SLC2A13: variants seen among roughly 807,000 people sequenced by gnomAD.
SLC2A13 encodes the protein proton myo-inositol cotransporter.
SLC2A13 carries 32 observed loss-of-function variants against 64.4 expected under a neutral mutation model. That is an observed-to-expected ratio of 0.50 (90% CI 0.37 to 0.67). The LOEUF (loss-of-function observed/expected upper bound fraction) is 0.67, where lower values mean the gene tolerates loss of function less well. Ranked by LOEUF, SLC2A13 falls within the 30% of genes least tolerant of loss-of-function variation. The probability of loss-of-function intolerance (pLI) is 0.00; values close to 1 mark genes in which losing one functional copy is unlikely to be tolerated. For synonymous variants in SLC2A13, 338 were observed against 327.1 expected, an observed-to-expected ratio of 1.03 and a Z score of -0.36; for missense variants, 743 against 829.2, an observed-to-expected ratio of 0.90 and a Z score of 1.28.
intron 7 of SLC2A13, among the ~76,000 whole-genome samples, chr12:39,781,462 T>C (rs1940980525): frequency 6.6e-6 from 1 of 152,218 alleles, no homozygotes; most frequent in African/African-American, 2.4e-5. Flanking sequence ...CAGGGGCTAG[T>C]ACAGTGACAT....
chr12:39,882,320 T>C (rs1944359587), intron 4 of SLC2A13, among the ~76,000 whole-genome samples: 1 of 152,184 alleles, frequency 6.6e-6, no homozygotes, highest in Non-Finnish European at 1.5e-5. Context: ...CAACAAATTT[T>C]CAGGTGATGC....
chr12:39,899,330 C>A (rs1435654276), intron 4 of SLC2A13, among the ~76,000 whole-genome samples: 1 of 151,940 alleles, frequency 6.6e-6, no homozygotes, highest in Non-Finnish European at 1.5e-5. Flanking sequence ...TGGTGATATC[C>A]CCTTTATCAT....
intron 7 of SLC2A13, among the ~76,000 whole-genome samples, chr12:39,815,897 T>C (rs1228336777): frequency 6.6e-6 from 1 of 152,238 alleles, no homozygotes; most frequent in South Asian, 2.1e-4. Flanking sequence ...AGTAGTGTGT[T>C]AATGTTTCAG....
chr12:40,056,007 AAAC>A (rs985033906), intron 1 of SLC2A13, among the ~76,000 whole-genome samples: 2 of 151,786 alleles, frequency 1.3e-5, no homozygotes, highest in South Asian at 2.1e-4. Flanking sequence ...AAAACAAAAC[AAAC>A]AACAAAAAAA....
At chr12:39,931,218 A>G (rs560108028) in intron 4 of SLC2A13, among the ~76,000 whole-genome samples, 2 of 152,290 alleles carry the variant, frequency 1.3e-5, no homozygotes, top group South Asian at 4.1e-4. Context: ...CTCCCTCCCT[A>G]ACAGTTGCTG....
In SLC2A13 at chr12:40,095,150, C is replaced by A. The variant is rs531497092; in HGVS notation, c.556+10103G>T. ...AAATCTGGGGGAAAAAATACACCCA[C>A]ACCACTATTATACGATTAGATTGCA... On this transcript the variant is annotated intron_variant, in intron 1 of 9. Transcript: ENST00000280871. Among the ~76,000 whole-genome samples the A allele has an allele frequency of 2.6e-4, 40 of 152,328 alleles. No homozygotes were observed. In the East Asian group the frequency reaches 6.7e-3, roughly 26 times the overall value.
chr12:39,979,446 A>C (rs1020283798), intron 3 of SLC2A13, among the ~76,000 whole-genome samples: 2 of 143,648 alleles, frequency 1.4e-5, no homozygotes, highest in Non-Finnish European at 3.1e-5. Context: ...AAGAATGTAT[A>C]ACTAGAATAA....
intron 7 of SLC2A13, among the ~76,000 whole-genome samples, chr12:39,810,101 GGACTA>G (rs1942107241): frequency 6.6e-6 from 1 of 152,152 alleles, no homozygotes; most frequent in East Asian, 1.9e-4. Context: ...CACAATGGTT[GGACTA>G]GTTTACAGTC....
chr12:39,761,642 T>G (rs201944698), intron 9 of SLC2A13, among the ~76,000 whole-genome samples: 8 of 147,188 alleles, frequency 5.4e-5, no homozygotes, highest in Non-Finnish European at 1.1e-4. Context: ...AAAAAAAAAA[T>G]GAAAGGAGAT....
intron 7 of SLC2A13, among the ~76,000 whole-genome samples, chr12:39,803,734 C>G (rs1941879704): frequency 6.6e-6 from 1 of 152,004 alleles, no homozygotes; most frequent in Non-Finnish European, 1.5e-5. Context: ...GCTTATGAGA[C>G]AGGGAAAGCA....
chr12:39,770,099 T>C (rs7299595), intron 7 of SLC2A13, among the ~76,000 whole-genome samples: 147,973 of 152,180 alleles, frequency 0.97, 71,942 homozygotes, highest in East Asian at 1. Flanking sequence ...GCTTTTTAAA[T>C]TGCCTCTTCC....
At chr12:39,821,125 CA>C (rs1301629315) in intron 7 of SLC2A13, among the ~76,000 whole-genome samples, 3 of 151,818 alleles carry the variant, frequency 2.0e-5, no homozygotes, top group East Asian at 3.9e-4. Context: ...TTTTATAACT[CA>C]AAAAAAATTT....
In SLC2A13 at chr12:39,912,522, A is replaced by C. The variant is rs371485024; in HGVS notation, c.1034+38735T>G. 2.0e-4 allele frequency among the ~76,000 whole-genome samples: 30 copies of C among 152,218 alleles called. No homozygotes were observed. The South Asian group carries it at 6.0e-3, about 31-fold the overall frequency. On this transcript the variant is annotated intron_variant, in intron 4 of 9. Transcript: ENST00000280871. The stretch of plus-strand genomic sequence containing the variant: ...CAGGAAGAAGTTATCCTAATATCCT[A>C]ATATGGATAGAAAAGTTATAATCGA...
At chr12:39,837,897 T>C (rs1943063359) in intron 6 of SLC2A13, among the ~76,000 whole-genome samples, 1 of 151,188 alleles carries the variant, frequency 6.6e-6, no homozygotes, top group African/African-American at 2.4e-5. Flanking sequence ...TTGGTGGGAC[T>C]GTAAACTAGT....
intron 4 of SLC2A13, among the ~76,000 whole-genome samples, chr12:39,887,675 A>G (rs1191126869): frequency 2.6e-5 from 4 of 152,174 alleles, no homozygotes; most frequent in African/African-American, 9.7e-5. Flanking sequence ...TAGTTATTCT[A>G]ATTCCATGAG....
At chr12:39,896,680 A>G (rs1944927336) in intron 4 of SLC2A13, among the ~76,000 whole-genome samples, 2 of 151,858 alleles carry the variant, frequency 1.3e-5, no homozygotes, top group South Asian at 4.1e-4. Context: ...AAATATTAAT[A>G]TCCCTCGTTA....
At chr12:39,821,327 G>A (rs1443442256) in intron 7 of SLC2A13, among the ~76,000 whole-genome samples, 4 of 151,896 alleles carry the variant, frequency 2.6e-5, no homozygotes, top group East Asian at 1.9e-4. Flanking sequence ...GGAGAATGGC[G>A]TGAACCCGGG....
chr12:39,827,340 A>C (rs537034463), intron 7 of SLC2A13, among the ~76,000 whole-genome samples: 1 of 152,280 alleles, frequency 6.6e-6, no homozygotes, highest in Admixed American at 6.5e-5. Context: ...TGAGCAGCAG[A>C]GAAGTAGGTA....
chr12:40,010,291 A>AT (rs1203383745), intron 3 of SLC2A13, among the ~76,000 whole-genome samples: 3 of 152,172 alleles, frequency 2.0e-5, no homozygotes, highest in African/African-American at 7.2e-5. Context: ...AATATTTGAT[A>AT]TTTTTCCCAC....
Sources: gnomAD v4.1 joint callset for allele counts (sites outside exome capture counted in the v4.1 genomes callset) on GRCh38, gnomAD v4.1.1 for gene constraint, MANE v1.5 for transcripts, NCBI Gene and HGNC (gene_info 2026-07-23, HGNC 2026-07-21) for gene names.